Variants in MTCL1 observed in about 807,000 individuals in gnomAD.
The protein encoded by MTCL1 is microtubule cross-linking factor 1.
MTCL1 carries 79 observed loss-of-function variants against 141.4 expected under a neutral mutation model. The ratio of observed to expected loss-of-function variants is 0.56; its 90% CI spans 0.47 to 0.67. MTCL1 has a LOEUF of 0.67. Ranked by LOEUF, MTCL1 falls within the 30% of genes least tolerant of loss-of-function variation. The pLI is 0.00. For synonymous variants in MTCL1, 914 were observed against 875.8 expected, an observed-to-expected ratio of 1.04 and a Z score of -0.77; for missense variants, 2,177 against 2,113.9, an observed-to-expected ratio of 1.03 and a Z score of -0.59.
chr18:8,790,577 C>T (rs745378061), intron 7 of MTCL1, among the ~76,000 whole-genome samples: 16 of 152,192 alleles, frequency 1.1e-4, no homozygotes, highest in Non-Finnish European at 2.1e-4. Flanking sequence ...GTATCCCCCA[C>T]GCTTTAGATG....
chr18:8,764,965 A>T (rs1302408052), intron 4 of MTCL1, among the ~76,000 whole-genome samples: 1 of 152,228 alleles, frequency 6.6e-6, no homozygotes, highest in African/African-American at 2.4e-5. Flanking sequence ...GAAGAAATAA[A>T]ATGCCCGGAA....
intron 13 of MTCL1, 37 bp from the exon 13 acceptor site, chr18:8,821,430 A>G: frequency 7.1e-7 from 1 of 1,400,098 alleles, no homozygotes; most frequent in South Asian, 1.2e-5. Context: ...GACAACCAAA[A>G]TTAACCGATT....
At chr18:8,819,211 G>C in exon 13 of MTCL1, 1 of 1,614,216 alleles carries the variant, frequency 6.2e-7, no homozygotes, top group Non-Finnish European at 8.5e-7. Context: ...AGCCAGAAGA[G>C]CCACCAGCCC....
At position 8,784,816 on chromosome 18, in the gene MTCL1, G is replaced by A. The variant is rs752592421; in HGVS notation, c.1704G>A (p.Leu568=). Residue 568 remains leucine, a synonymous_variant, in exon 6 of 17, where the codon CTG becomes CTA. Coordinates refer to ENST00000359865, the Ensembl canonical transcript of MTCL1. ...CCCGGGACTCCCCCATCGGGAACCTGGGGAAGGAGCTGGGCCCAGACTTGC... is the reference window on the plus strand; with the variant it reads ...CCCGGGACTCCCCCATCGGGAACCTAGGGAAGGAGCTGGGCCCAGACTTGC... 3 of 1,604,714 alleles carry A rather than the reference G, an allele frequency of 1.9e-6. No individual in the cohort carries two copies. The African/African-American group carries it at 4.0e-5, about 21-fold the overall frequency.
intron 4 of MTCL1, among the ~76,000 whole-genome samples, chr18:8,759,529 C>T (rs2096419298): frequency 6.6e-6 from 1 of 152,174 alleles, no homozygotes; most frequent in Non-Finnish European, 1.5e-5. Context: ...TTCCCAAGGG[C>T]ACTCTGAGAC....
chr18:8,821,389 A>G, intron 13 of MTCL1, 78 bp from the exon 13 acceptor site: 1 of 936,842 alleles, frequency 1.1e-6, no homozygotes, highest in Non-Finnish European at 1.7e-6. Flanking sequence ...TGCAGAGCAA[A>G]CAAATCACTT....
exon 6 of MTCL1, chr18:8,783,814 C>G (rs1489780407): frequency 1.2e-6 from 2 of 1,613,148 alleles, no homozygotes; most frequent in African/African-American, 2.7e-5. Flanking sequence ...AGAACCGTGG[C>G]CTCAAGGCAG....
rs536808107 is a variant in MTCL1 at position 8,754,066 on chromosome 18, C to CTATT, written c.358-23749_358-23746dup. On this transcript the variant is annotated intron_variant, in intron 4 of 16. Transcript: ENST00000359865. ...CTGGTTGAAATTTTCCCCCTACTTC[C>CTATT]TATTTATTTATTTATTTATTTTGAG... Among the ~76,000 whole-genome samples the CTATT allele has an allele frequency of 1.7e-4, 26 of 152,174 alleles. No individual in the cohort carries two copies. In the East Asian group the frequency reaches 1.9e-3, roughly 11 times the overall value.
exon 1 of MTCL1, chr18:8,706,675 G>C: frequency 6.5e-7 from 1 of 1,546,474 alleles, no homozygotes; most frequent in Non-Finnish European, 8.7e-7. Context: ...GCTGCTGCGG[G>C]AGATGGAGGA....
chr18:8,720,355 T>A, exon 4 of MTCL1: 1 of 1,614,186 alleles, frequency 6.2e-7, no homozygotes, highest in Non-Finnish European at 8.5e-7. Context: ...AAGATGTATC[T>A]GTCAGATTGC....
At chr18:8,817,894 T>A (rs1202404611) in intron 12 of MTCL1, among the ~76,000 whole-genome samples, 1 of 152,170 alleles carries the variant, frequency 6.6e-6, no homozygotes, top group African/African-American at 2.4e-5. Context: ...TCTGTGGCTG[T>A]TTTAGAAAGG....
chr18:8,767,082 C>T (rs1309819707), intron 4 of MTCL1, among the ~76,000 whole-genome samples: 2 of 152,210 alleles, frequency 1.3e-5, no homozygotes, highest in Non-Finnish European at 1.5e-5. Context: ...GTTTCCAGGA[C>T]AGTGGCAGAG....
chr18:8,811,519 T>TTATATATA (rs1555671020), intron 11 of MTCL1, among the ~76,000 whole-genome samples: 2 of 149,646 alleles, frequency 1.3e-5, no homozygotes, highest in African/African-American at 5.0e-5. Flanking sequence ...TCATTAATCT[T>TTATATATA]TATATATATA....
chr18:8,796,399 G>A (rs115426921), exon 9 of MTCL1: 2 of 1,614,176 alleles, frequency 1.2e-6, no homozygotes, highest in African/African-American at 2.7e-5. Flanking sequence ...TCAAACTCAG[G>A]TGGCTGCTGA....
At chr18:8,768,470 G>T (rs1479172466) in intron 4 of MTCL1, among the ~76,000 whole-genome samples, 1 of 152,192 alleles carries the variant, frequency 6.6e-6, no homozygotes, top group Admixed American at 6.5e-5. Context: ...AAATCAGAGG[G>T]TCTGTAGGGT....
At chr18:8,753,215 A>G (rs2096380822) in intron 4 of MTCL1, among the ~76,000 whole-genome samples, 1 of 152,270 alleles carries the variant, frequency 6.6e-6, no homozygotes, top group African/African-American at 2.4e-5. Context: ...TGTTTAAAAT[A>G]GCCAGTGCTA....
intron 4 of MTCL1, among the ~76,000 whole-genome samples, chr18:8,733,421 T>C (rs1459127138): frequency 1.3e-5 from 2 of 152,210 alleles, no homozygotes; most frequent in Non-Finnish European, 2.9e-5. Context: ...TTTGTTTGTT[T>C]GTTTTTGAGA....
intron 7 of MTCL1, among the ~76,000 whole-genome samples, chr18:8,792,415 G>A (rs1375664181): frequency 6.6e-6 from 1 of 152,176 alleles, no homozygotes; most frequent in African/African-American, 2.4e-5. Flanking sequence ...GTGCCGTTGG[G>A]AGGCCTGAAG....
At chr18:8,716,355 A>C (rs1323538027), upstream of MTCL1, among the ~76,000 whole-genome samples, 1 of 152,144 alleles carries the variant, frequency 6.6e-6, no homozygotes, top group Admixed American at 6.5e-5. Flanking sequence ...GGCAGAGTGG[A>C]GAGAACCTAC....
Sources: gnomAD v4.1 joint callset for allele counts (sites outside exome capture counted in the v4.1 genomes callset) on GRCh38, gnomAD v4.1.1 for gene constraint, MANE v1.5 for transcripts, NCBI Gene and HGNC (gene_info 2026-07-23, HGNC 2026-07-21) for gene names.